Variants in RNF144A observed in about 807,000 individuals in gnomAD.
The protein encoded by RNF144A is ring finger protein 144A.
RNF144A carries 11 observed loss-of-function variants against 38.7 expected under a neutral mutation model. The ratio of observed to expected loss-of-function variants is 0.28; its 90% confidence interval spans 0.18 to 0.47. The LOEUF (loss-of-function observed/expected upper bound fraction) is 0.47, where lower values mean the gene tolerates loss of function less well. Ranked by LOEUF, RNF144A falls within the 20% of genes least tolerant of loss-of-function variation. The pLI is 0.99. For missense variants in RNF144A, 316 were observed against 377.2 expected, an observed-to-expected ratio of 0.84 and a Z score of 1.34; for synonymous variants, 149 against 143.9, an observed-to-expected ratio of 1.04 and a Z score of -0.25.
chr2:6,945,138 C>T (rs75229162), intron 2 of RNF144A, among the ~76,000 whole-genome samples: 3,389 of 152,334 alleles, frequency 0.022, 134 homozygotes, highest in African/African-American at 0.079. Flanking sequence ...TTTGTGTGGC[C>T]GGCTCGTTGA....
intron 2 of RNF144A, among the ~76,000 whole-genome samples, chr2:6,985,630 TGAA>T: frequency 1.3e-5 from 2 of 152,314 alleles, no homozygotes; most frequent in African/African-American, 4.8e-5. Context: ...GCATGTGCTC[TGAA>T]GTTGATCGGT....
At chr2:7,003,764 C>A (rs1307772535) in intron 3 of RNF144A, among the ~76,000 whole-genome samples, 2 of 152,236 alleles carry the variant, frequency 1.3e-5, no homozygotes, top group Non-Finnish European at 2.9e-5. Flanking sequence ...TGCGAGAGGG[C>A]AGCATGCTTT....
downstream of RNF144A, among the ~76,000 whole-genome samples, chr2:7,049,086 C>T (rs1326339488): frequency 6.6e-6 from 1 of 152,212 alleles, no homozygotes; most frequent in African/African-American, 2.4e-5. Flanking sequence ...TGAATGGCTG[C>T]ACCTGGAGGG....
chr2:7,040,371 C>G lies in RNF144A; in HGVS notation c.*611C>G. The G allele has an allele frequency of 5.1e-6, 5 of 985,314 alleles. No homozygotes were observed. Among genetic ancestry groups the G allele is most frequent in the Non-Finnish European group, 6.0e-6 (5 of 829,882 alleles). The allele number at this position is 985,314 out of a possible 1,614,324, so 61.0% of individuals were successfully genotyped here. On this transcript the variant is annotated 3_prime_UTR_variant, in exon 9 of 9. Transcript: ENST00000320892. ...ACGACTTTTCAGGAGATTTAGAAAG[C>G]CTTATGCACTCTTTGTGTTTTTCTT...
At chr2:6,996,237 G>A (rs533955671) in intron 2 of RNF144A, among the ~76,000 whole-genome samples, 1 of 152,072 alleles carries the variant, frequency 6.6e-6, no homozygotes, top group Non-Finnish European at 1.5e-5. Context: ...CCTCATATTC[G>A]CCACGTCTTT....
intron 6 of RNF144A, among the ~76,000 whole-genome samples, chr2:7,023,188 T>C (rs900258258): frequency 1.7e-4 from 26 of 152,326 alleles, no homozygotes; most frequent in African/African-American, 6.0e-4. Context: ...GCTTCTCTCA[T>C]TATTTCTTAC....
rs1237011771 is a variant in RNF144A at position 7,041,431 on chromosome 2, G to A, written c.*1671G>A. 1 of 985,748 alleles carries A rather than the reference G, an allele frequency of 1.0e-6. No individual in the cohort carries two copies. Among genetic ancestry groups the A allele is most frequent in the Non-Finnish European group, 1.2e-6 (1 of 829,936 alleles). 61.1% of individuals were successfully genotyped at this position (985,748 alleles called of 1,614,324 possible). A position where few individuals can be genotyped will look rare whatever the true frequency, so the allele number is the denominator to read the frequency against. On this transcript the variant is annotated 3_prime_UTR_variant, in exon 9 of 9. Transcript: ENST00000320892. ...CCGAAGCCATTTAGAAAATCCCTGTGTGTCAAAATTACATTCAAAAAGCTC... is the reference window on the plus strand; with the variant it reads ...CCGAAGCCATTTAGAAAATCCCTGTATGTCAAAATTACATTCAAAAAGCTC...
chr2:6,923,299 C>G (rs1664658220), intron 1 of RNF144A, among the ~76,000 whole-genome samples: 1 of 152,190 alleles, frequency 6.6e-6, no homozygotes, highest in Admixed American at 6.5e-5. Flanking sequence ...AAGCTGGAAT[C>G]AATGCACACC....
Position 6,958,381 on chromosome 2 carries a change from C to T in RNF144A, c.-12+17234C>T, listed in dbSNP as rs1667136689. Among the ~76,000 whole-genome samples the T allele has an allele frequency of 6.6e-6, 1 of 152,204 alleles. No individual in the cohort carries two copies. The highest frequency in any genetic ancestry group is 1.5e-5 in the Non-Finnish European group (1 of 68,038). On this transcript the variant is annotated intron_variant, in intron 2 of 8. Coordinates refer to ENST00000320892, the MANE Select transcript of RNF144A (RefSeq NM_014746.6). This position sits in a 1 kb window ranked among gnomAD's most constrained non-coding sequence, Gnocchi z 4.5. ...TCCTCCCCGACACCCAGGTGACCAC[C>T]CAGTTTGGGAGGAAAACAGAATATT... is the stretch of plus-strand genomic sequence containing the variant.
At chr2:7,072,865 G>A (rs548262214), downstream of RNF144A, among the ~76,000 whole-genome samples, 1 of 152,322 alleles carries the variant, frequency 6.6e-6, no homozygotes, top group South Asian at 2.1e-4. Context: ...TTCCTTGACT[G>A]GAATCCAAGT....
intron 6 of RNF144A, among the ~76,000 whole-genome samples, chr2:7,067,488 CT>C (rs1378017947): frequency 6.6e-6 from 1 of 152,174 alleles, no homozygotes; most frequent in African/African-American, 2.4e-5. Context: ...GTTTAGAAAT[CT>C]TTTTGATTGG....
chr2:7,049,789 A>G lies in RNF144A; in HGVS notation c.735-18427A>G, dbSNP rs536858800. Among the ~76,000 whole-genome samples the G allele has an allele frequency of 2.0e-3, 307 of 152,358 alleles. 3 individuals are homozygous for G. The highest frequency in any genetic ancestry group is 3.0e-3 in the Non-Finnish European group (202 of 68,034). ...AAGACGATGAAGAGGGACCGAGGAA[A>G]GAAAGTTCCAACAAAGTGAGCTTCT... is the stretch of plus-strand genomic sequence containing the variant. On this transcript the variant is annotated intron_variant, in intron 6 of 6. Coordinates refer to the RNF144A transcript ENST00000432850.
chr2:7,042,228 G>A lies in RNF144A; in HGVS notation c.*2468G>A, dbSNP rs1673088653. The A allele has an allele frequency of 1.0e-6, 1 of 985,342 alleles. No individual in the cohort carries two copies. 61.0% of individuals were successfully genotyped at this position (985,342 alleles called of 1,614,324 possible). A position where few individuals can be genotyped will look rare whatever the true frequency, so the allele number is the denominator to read the frequency against. ...CAGACTTATCTTTGATGGGAATACA[G>A]TATGAACCCTGCTTGATGTAAAATG... On this transcript the variant is annotated 3_prime_UTR_variant, in exon 9 of 9. Coordinates refer to ENST00000320892, the MANE Select transcript of RNF144A (RefSeq NM_014746.6).
chr2:7,049,386 G>T (rs761318401), intron 6 of RNF144A, among the ~76,000 whole-genome samples: 1 of 152,180 alleles, frequency 6.6e-6, no homozygotes, highest in African/African-American at 2.4e-5. Context: ...TTGATCAATG[G>T]TAAGGCAATG....
intron 6 of RNF144A, among the ~76,000 whole-genome samples, chr2:7,059,118 C>G (rs551792423): frequency 2.0e-5 from 3 of 152,036 alleles, no homozygotes; most frequent in South Asian, 2.1e-4. Flanking sequence ...GAGGCTGAGG[C>G]GGGCAGATCA....
At chr2:7,038,767 A>G (rs564906049) in intron 8 of RNF144A, among the ~76,000 whole-genome samples, 2 of 152,190 alleles carry the variant, frequency 1.3e-5, no homozygotes, top group Non-Finnish European at 2.9e-5. Context: ...GGGCAGATGG[A>G]TGATGGTTAG....
chr2:6,949,941 C>CATT lies in RNF144A; in HGVS notation c.-12+8810_-12+8812dup, dbSNP rs566474403. 5.5e-4 allele frequency among the ~76,000 whole-genome samples: 83 copies of CATT among 151,918 alleles called. No homozygotes were observed. The East Asian group carries it at 8.9e-3, about 16-fold the overall frequency. ...CAGAGAAAACCACTATCATCATCACCATTATTATTATTATTATTTTTTTAT... is the reference window on the plus strand; with the variant it reads ...CAGAGAAAACCACTATCATCATCACCATTATTATTATTATTATTATTTTTTTAT... On this transcript the variant is annotated intron_variant, in intron 2 of 8. Coordinates refer to ENST00000320892, the MANE Select transcript of RNF144A (RefSeq NM_014746.6).
chr2:7,005,375 G>T (rs569258231), intron 3 of RNF144A, among the ~76,000 whole-genome samples: 2 of 152,336 alleles, frequency 1.3e-5, no homozygotes, highest in East Asian at 3.9e-4. Context: ...GAGAGGTTCA[G>T]AGATGCGTGA....
intron 1 of RNF144A, among the ~76,000 whole-genome samples, chr2:6,928,659 C>T (rs1164983717): frequency 6.6e-6 from 1 of 152,222 alleles, no homozygotes. Flanking sequence ...GCGCATTCCT[C>T]ATTTGAGCCC....
Sources: gnomAD v4.1 joint callset for allele counts (sites outside exome capture counted in the v4.1 genomes callset) on GRCh38, gnomAD v4.1.1 for gene constraint, Gnocchi (gnomAD v3.1) non-coding constraint, MANE v1.5 for transcripts, NCBI Gene and HGNC (gene_info 2026-07-23, HGNC 2026-07-21) for gene names.